Variants in WIZ observed in about 807,000 individuals in gnomAD.
The protein encoded by WIZ is WIZ zinc finger, also known as protein Wiz.
Under a neutral mutation model 140.2 loss-of-function variants are expected in WIZ, and 25 were observed. That is an observed-to-expected ratio of 0.18 (90% CI 0.13 to 0.25). WIZ has a LOEUF of 0.25. WIZ is among the 10% of genes least tolerant of loss of function. WIZ has a pLI of 1.00. For missense variants in WIZ, 2,231 were observed against 2,632.6 expected (o/e 0.85, Z 3.34); for synonymous variants, 1,125 against 1,154.3 (o/e 0.97, Z 0.51).
intron 9 of WIZ, among the ~76,000 whole-genome samples, chr19:15,426,258 C>T (rs888168506): frequency 6.6e-6 from 1 of 152,102 alleles, no homozygotes; most frequent in African/African-American, 2.4e-5. Flanking sequence ...AGAGCTGGTA[C>T]ACAACACACG....
intron 4 of WIZ, among the ~76,000 whole-genome samples, 196 bp downstream of exon 4, chr19:15,438,382 C>G (rs1236486479): frequency 4.6e-5 from 7 of 152,354 alleles, no homozygotes; most frequent in Non-Finnish European, 1.5e-5. Context: ...ACTCCTTCCT[C>G]CAGTGGCTGG....
At chr19:15,449,218 G>A (rs1352179186) in intron 1 of WIZ, among the ~76,000 whole-genome samples, 2 of 152,276 alleles carry the variant, frequency 1.3e-5, no homozygotes, top group South Asian at 2.1e-4. Flanking sequence ...CCCTCCCCAG[G>A]GAGATGGTGG....
intron 7 of WIZ, 95 bp downstream of exon 7, chr19:15,429,491 C>A: frequency 2.2e-5 from 19 of 850,134 alleles, no homozygotes; most frequent in East Asian, 6.8e-5. Flanking sequence ...ACCGCCCCCA[C>A]CCACCCTGGG....
In WIZ at chr19:15,425,453, G is replaced by C; in HGVS notation, c.4682C>G (p.Pro1561Arg). The C allele has an allele frequency of 6.3e-7, 1 of 1,584,526 alleles. No homozygotes were observed. Residue 1561 changes from proline (P) to arginine (R), a missense_variant, in exon 10 of 13, where the codon CCA (proline) becomes CGA (arginine). By Grantham distance (103) the Pro-to-Arg change is moderately radical. This residue lies in a region of WIZ where 393 missense variants were observed against 451.7 expected (regional missense o/e 0.87). Transcript: ENST00000673675. The stretch of plus-strand genomic sequence containing the variant: ...AGGAACCTGGGCCGGCCCTGCACCT[G>C]GTTTGCCTGGCCGGCCAGCCAGGGG... ...LSPLAGRPGK[P>R]GAGPAQVPRE... is the part of the protein sequence containing the mutation.
chr19:15,441,707 AG>A (rs1969752780), intron 3 of WIZ, among the ~76,000 whole-genome samples: 1 of 152,210 alleles, frequency 6.6e-6, no homozygotes, highest in East Asian at 1.9e-4. Context: ...TGTTGGGTGG[AG>A]ACCATAAGGT....
In WIZ at chr19:15,442,658, G is replaced by A; in HGVS notation, c.278+18C>T. 1 of 1,232,202 alleles carries A rather than the reference G, an allele frequency of 8.1e-7. No homozygotes were observed. Among genetic ancestry groups the A allele is most frequent in the East Asian group, 3.2e-5 (1 of 31,708 alleles). The allele number at this position is 1,232,202 out of a possible 1,614,324, so 76.3% of individuals were successfully genotyped here. On this transcript the variant is annotated intron_variant, in intron 3 of 12. Coordinates refer to ENST00000673675, the MANE Select transcript of WIZ (RefSeq NM_001371589.1). The surrounding 1 kb of genome is among the most constrained non-coding windows in gnomAD (Gnocchi z 5.5). The stretch of plus-strand genomic sequence containing the variant: ...GCCCCCCTGCCCTCCCTGAGGTCAG[G>A]GCCAGCATGGCACTCACCAGCTGCT...
rs1002997061 is a variant in WIZ at position 15,442,469 on chromosome 19, GA to G, written c.278+206del. Among the ~76,000 whole-genome samples, 3 of 152,194 alleles carry G rather than the reference GA, an allele frequency of 2.0e-5. No homozygotes were observed. The highest frequency in any genetic ancestry group is 7.2e-5 in the African/African-American group (3 of 41,440). ...TGGCCCTGCTCCTGGCAGGGATAAT[GA>G]GAGTTGACCCTCTGTGTTCATTCCA... On this transcript the variant is annotated intron_variant, in intron 3 of 12. Coordinates refer to ENST00000673675, the MANE Select transcript of WIZ (RefSeq NM_001371589.1). This position sits in a 1 kb window ranked among gnomAD's most constrained non-coding sequence, Gnocchi z 5.5.
rs754045660 is a variant in WIZ, at chr19:15,439,811, C to T, written c.1183G>A (p.Glu395Lys). 1.2e-5 allele frequency: 19 copies of T among 1,523,996 alleles called. No individual in the cohort carries two copies. Among genetic ancestry groups the T allele is most frequent in the South Asian group, 8.5e-5 (7 of 82,460 alleles). The allele number at this position is 1,523,996 out of a possible 1,614,324, so 94.4% of individuals were successfully genotyped here. ...IQKLKQVPGD[E>K]GREARLQCPK... Reference sequence around the variant, plus strand: ...CACTGCAGCCGTGCCTCCCGGCCCTCGTCTCCTGGAACTTGCTTCAGCTTT... The same window carrying T: ...CACTGCAGCCGTGCCTCCCGGCCCTTGTCTCCTGGAACTTGCTTCAGCTTT... The change falls in exon 4 of 13, where the codon GAG becomes AAG. Residue 395 changes from glutamate (E) to lysine (K), a missense_variant. Glu to Lys is a moderately conservative substitution (Grantham distance 56, BLOSUM62 1). Transcript: ENST00000673675. This position sits in a 1 kb window ranked among gnomAD's most constrained non-coding sequence, Gnocchi z 7.0.
chr19:15,427,213 G>C lies in WIZ; in HGVS notation c.4135C>G (p.Pro1379Ala). Residue 1379 changes from proline to alanine, a missense_variant, in exon 9 of 13, where the codon CCA (proline) becomes GCA (alanine). Pro to Ala is a conservative substitution (Grantham distance 27, BLOSUM62 -1). Transcript: ENST00000673675. This position sits in a 1 kb window ranked among gnomAD's most constrained non-coding sequence, Gnocchi z 6.4. ...CCCAGGGGGCTGCCCGGTGGTGGTG[G>C]CAACTTCTTGGCCAAGGGTGAGATG... is the stretch of plus-strand genomic sequence containing the variant. ...LHISPLAKKL[P>A]PPPGSPLGHS... 13 of 1,614,142 alleles carry C rather than the reference G, an allele frequency of 8.1e-6. No individual in the cohort carries two copies. Among genetic ancestry groups the C allele is most frequent in the Non-Finnish European group, 1.1e-5 (13 of 1,180,024 alleles).
intron 2 of WIZ, among the ~76,000 whole-genome samples, chr19:15,446,144 C>G (rs1458989464): frequency 2.0e-5 from 3 of 152,146 alleles, no homozygotes; most frequent in Non-Finnish European, 2.9e-5. Flanking sequence ...GCCTGGCCCC[C>G]CTCAGCAGCC....
Position 15,431,141 on chromosome 19 carries a change from C to T in WIZ, c.2782G>A (p.Gly928Ser). 1.3e-6 allele frequency: 2 copies of T among 1,534,774 alleles called. No homozygotes were observed. Among genetic ancestry groups the T allele is most frequent in the Non-Finnish European group, 1.7e-6 (2 of 1,146,144 alleles). ...EENAMVAMDLGSPSLPKKSLP... is the reference protein window; with the variant it reads ...EENAMVAMDLSSPSLPKKSLP... ...CTCTTCTTAGGGAGCGAGGGAGAGC[C>T]CAAGTCCATGGCCACCATTGCGTTT... is the stretch of plus-strand genomic sequence containing the variant. Residue 928 changes from glycine to serine, a missense_variant, in exon 6 of 13, where the codon GGC becomes AGC. Gly to Ser is a moderately conservative substitution (Grantham distance 56). Around this residue, in one of 15 missense-constraint regions of WIZ, gnomAD observed 137 missense variants for 135.8 expected, o/e 1.01. Transcript: ENST00000673675.
Position 15,424,643 on chromosome 19 carries a change from C to A in WIZ, c.5284G>T (p.Ala1762Ser). 1.3e-6 allele frequency: 2 copies of A among 1,593,454 alleles called. No individual in the cohort carries two copies. Among genetic ancestry groups the A allele is most frequent in the Non-Finnish European group, 8.5e-7 (1 of 1,178,344 alleles). Residue 1762 changes from alanine (A) to serine (S), a missense_variant, in exon 11 of 13, where the codon GCT becomes TCT. Ala to Ser is a moderately conservative substitution (Grantham distance 99, BLOSUM62 1). This residue lies in a region of WIZ where 299 missense variants were observed against 309.6 expected (regional missense o/e 0.97). Coordinates refer to ENST00000673675, the MANE Select transcript of WIZ (RefSeq NM_001371589.1). The surrounding 1 kb of genome is among the most constrained non-coding windows in gnomAD (Gnocchi z 9.7). ...LAASPPGTVK[A>S]EEHQRQNINK... ...ATGTTCTGCCGCTGGTGCTCCTCAG[C>A]CTTCACGGTGCCTGGCGGGCTGGCT...
intron 4 of WIZ, 117 bp downstream of exon 4, chr19:15,438,461 C>T (rs915206928): frequency 3.3e-6 from 4 of 1,227,964 alleles, no homozygotes; most frequent in African/African-American, 3.0e-5. Flanking sequence ...GCTCTCAAGT[C>T]TCTCAGGAGC....
At chr19:15,432,339 C>T (rs886556049) in intron 5 of WIZ, 4 of 721,336 alleles carry the variant, frequency 5.5e-6, no homozygotes, top group African/African-American at 3.8e-5. Flanking sequence ...AGGGGGGGGT[C>T]CCGCAGACTG....
At chr19:15,441,611 G>A (rs1048580779) in intron 3 of WIZ, among the ~76,000 whole-genome samples, 6 of 152,066 alleles carry the variant, frequency 3.9e-5, no homozygotes, top group Admixed American at 1.3e-4. Flanking sequence ...ATTTGAGATC[G>A]GTTCTCCCTT....
At chr19:15,432,186 C>G (rs1300412928) in intron 5 of WIZ, among the ~76,000 whole-genome samples, 2 of 152,036 alleles carry the variant, frequency 1.3e-5, no homozygotes, top group Non-Finnish European at 2.9e-5. Flanking sequence ...GCAAGGGACG[C>G]TCCCGGGGCT....
intron 5 of WIZ, among the ~76,000 whole-genome samples, chr19:15,435,577 G>A (rs1043754577): frequency 6.6e-6 from 1 of 152,252 alleles, no homozygotes; most frequent in Middle Eastern, 3.2e-3. Context: ...GCTTACGCCT[G>A]TAATCCCAGC....
chr19:15,424,499 T>C lies in WIZ; in HGVS notation c.5314+114A>G, dbSNP rs1043752226. 12 of 1,527,958 alleles carry C rather than the reference T, an allele frequency of 7.9e-6. 1 individual carries two copies. The South Asian group carries it at 1.2e-4, about 16-fold the overall frequency. 94.7% of individuals were successfully genotyped at this position (1,527,958 alleles called of 1,614,324 possible). A position where few individuals can be genotyped will look rare whatever the true frequency, so the allele number is the denominator to read the frequency against. ...GTGGGATGGGGGATGGATGGGTGAA[T>C]GGGTAAGCAACTGGAGAAAGGACTT... is the stretch of plus-strand genomic sequence containing the variant. On this transcript the variant is annotated intron_variant, in intron 11 of 12. Coordinates refer to ENST00000673675, the MANE Select transcript of WIZ (RefSeq NM_001371589.1). This position sits in a 1 kb window ranked among gnomAD's most constrained non-coding sequence, Gnocchi z 9.7.
chr19:15,432,489 G>A, intron 5 of WIZ: 1 of 978,692 alleles, frequency 1.0e-6, no homozygotes, highest in Non-Finnish European at 1.2e-6. Flanking sequence ...CCTTGGGCCC[G>A]TCCCGCGGCG....
Sources: gnomAD v4.1 joint callset for allele counts (sites outside exome capture counted in the v4.1 genomes callset) on GRCh38, gnomAD v4.1.1 for gene constraint, gnomAD v4.1.1 regional missense constraint, Gnocchi (gnomAD v3.1) non-coding constraint, MANE v1.5 for transcripts, NCBI Gene and HGNC (gene_info 2026-07-23, HGNC 2026-07-21) for gene names.